PARN: variants seen among roughly 807,000 people sequenced by gnomAD.
PARN encodes poly(A)-specific ribonuclease PARN.
In PARN, 71 loss-of-function variants were observed where a neutral mutation model predicts 102.8. The ratio of observed to expected loss-of-function variants is 0.69; its 90% CI spans 0.57 to 0.84. The LOEUF (loss-of-function observed/expected upper bound fraction) is 0.84. PARN is among the 40% of genes least tolerant of loss of function. The pLI is 0.00. For synonymous variants in PARN, 261 were observed against 252.9 expected, an observed-to-expected ratio of 1.03 and a Z score of -0.30; for missense variants, 782 against 760.9, an observed-to-expected ratio of 1.03 and a Z score of -0.33.
chr16:14,599,704 A>T (rs1961180520), intron 12 of PARN, among the ~76,000 whole-genome samples, 200 bp downstream of exon 12: 1 of 152,196 alleles, frequency 6.6e-6, no homozygotes. Context: ...GCTCCCTGAA[A>T]ATTGATTTGA....
intron 5 of PARN, among the ~76,000 whole-genome samples, chr16:14,625,879 G>C (rs887080235): frequency 1.3e-5 from 2 of 152,198 alleles, no homozygotes; most frequent in Admixed American, 6.5e-5. Flanking sequence ...GATTTTAAGG[G>C]AGAAAAGATT....
chr16:14,513,677 C>T (rs779394982), intron 21 of PARN, among the ~76,000 whole-genome samples: 1 of 152,164 alleles, frequency 6.6e-6, no homozygotes, highest in Non-Finnish European at 1.5e-5. Flanking sequence ...GGCCCTTCTC[C>T]CTGTTGTGGC....
At chr16:14,505,032 A>T (rs1964815764) in intron 21 of PARN, among the ~76,000 whole-genome samples, 1 of 152,220 alleles carries the variant, frequency 6.6e-6, no homozygotes, top group Non-Finnish European at 1.5e-5. Flanking sequence ...TTTTAAATTA[A>T]GTGGTCAGGG....
At chr16:14,590,790 G>A (rs1970151253) in intron 13 of PARN, among the ~76,000 whole-genome samples, 1 of 152,148 alleles carries the variant, frequency 6.6e-6, no homozygotes, top group African/African-American at 2.4e-5. Flanking sequence ...TACAAGGGGA[G>A]CAACTGACCC....
chr16:14,531,803 A>C (rs1169822304), intron 21 of PARN, among the ~76,000 whole-genome samples: 2 of 152,130 alleles, frequency 1.3e-5, no homozygotes, highest in Non-Finnish European at 2.9e-5. Flanking sequence ...AAATTCTTTC[A>C]AAAGCCCCAG....
chr16:14,490,242 T>C (rs1963988115), intron 21 of PARN, among the ~76,000 whole-genome samples: 3 of 152,228 alleles, frequency 2.0e-5, no homozygotes, highest in Non-Finnish European at 2.9e-5. Flanking sequence ...GAAAATCCTG[T>C]CAGCATTATC....
At chr16:14,464,709 T>C (rs1374608512) in intron 22 of PARN, among the ~76,000 whole-genome samples, 1 of 151,672 alleles carries the variant, frequency 6.6e-6, no homozygotes, top group African/African-American at 2.4e-5. Context: ...TGAGCTGAGG[T>C]TGCGCCACTG....
chr16:14,586,586 T>A, intron 13 of PARN, among the ~76,000 whole-genome samples: 1 of 152,146 alleles, frequency 6.6e-6, no homozygotes, highest in East Asian at 1.9e-4. Flanking sequence ...AACTTCTGCA[T>A]AACCAAAACA....
chr16:14,610,602 T>C (rs1458487179), intron 7 of PARN, 42 bp downstream of exon 7: 7 of 1,274,612 alleles, frequency 5.5e-6, no homozygotes, highest in Non-Finnish European at 8.0e-6. Context: ...ATCCCCAATA[T>C]ATAGCACACA....
intron 18 of PARN, among the ~76,000 whole-genome samples, chr16:14,573,001 G>C (rs1968902106): frequency 2.0e-5 from 3 of 151,260 alleles, no homozygotes. Flanking sequence ...CAATCCTCCT[G>C]CCTCAGCCTC....
intron 18 of PARN, among the ~76,000 whole-genome samples, chr16:14,562,416 G>C (rs1968124249): frequency 1.4e-5 from 2 of 141,488 alleles, no homozygotes; most frequent in Non-Finnish European, 3.0e-5. Context: ...CTGGGGGTCA[G>C]AGCGGGACTC....
intron 21 of PARN, among the ~76,000 whole-genome samples, chr16:14,508,942 GAAT>G (rs2151635049): frequency 6.7e-6 from 1 of 150,236 alleles, no homozygotes; most frequent in East Asian, 1.9e-4. Context: ...GTGGTTCTGA[GAAT>G]AATAAAATTA....
In PARN at chr16:14,627,141, T is replaced by C; in HGVS notation, c.292A>G (p.Asn98Asp). ...FNFYVFPKPF[N>D]RSSPDVKFVC... ...AATTTGACATCTGGTGAGGATCTATTGAAGGGTTTCGGGAAAACATAGAAG... is the reference window on the plus strand; with the variant it reads ...AATTTGACATCTGGTGAGGATCTATCGAAGGGTTTCGGGAAAACATAGAAG... Residue 98 changes from asparagine to aspartate, a missense_variant, in exon 5 of 24, where the codon AAT becomes GAT. Transcript: ENST00000437198. 6.2e-7 allele frequency: 1 copy of C among 1,606,688 alleles called. No homozygotes were observed. The highest frequency in any genetic ancestry group is 8.5e-7 in the Non-Finnish European group (1 of 1,174,312).
chr16:14,506,980 G>C (rs1449718941), intron 21 of PARN, among the ~76,000 whole-genome samples: 1 of 152,202 alleles, frequency 6.6e-6, no homozygotes, highest in Non-Finnish European at 1.5e-5. Context: ...AAGACTTAAT[G>C]TTGGAGAAGC....
intron 22 of PARN, among the ~76,000 whole-genome samples, chr16:14,461,312 T>C (rs1008318221): frequency 6.6e-6 from 1 of 152,236 alleles, no homozygotes; most frequent in African/African-American, 2.4e-5. Flanking sequence ...CGAGGAAATG[T>C]GAATAAAGTA....
intron 13 of PARN, among the ~76,000 whole-genome samples, chr16:14,590,624 G>C (rs1471364451): frequency 2.5e-5 from 3 of 122,308 alleles, no homozygotes; most frequent in Non-Finnish European, 4.9e-5. Context: ...CACAGAACAA[G>C]ATTCAGTCTC....
intron 5 of PARN, among the ~76,000 whole-genome samples, chr16:14,625,081 C>T (rs1479040641): frequency 6.6e-6 from 1 of 152,056 alleles, no homozygotes; most frequent in East Asian, 1.9e-4. Flanking sequence ...GTTTGATTAA[C>T]CCCTGGCCAA....
intron 21 of PARN, among the ~76,000 whole-genome samples, chr16:14,540,712 G>A (rs1966806753): frequency 6.6e-6 from 1 of 152,210 alleles, no homozygotes; most frequent in Admixed American, 6.5e-5. Flanking sequence ...CAGATTGCTG[G>A]AGGCTGAGGC....
At chr16:14,464,809 A>G (rs1413899086) in intron 22 of PARN, among the ~76,000 whole-genome samples, 1 of 152,100 alleles carries the variant, frequency 6.6e-6, no homozygotes, top group Admixed American at 6.6e-5. Context: ...TATACATACA[A>G]AAGAACTTGG....
Sources: gnomAD v4.1 joint callset for allele counts (sites outside exome capture counted in the v4.1 genomes callset) on GRCh38, gnomAD v4.1.1 for gene constraint, MANE v1.5 for transcripts, NCBI Gene and HGNC (gene_info 2026-07-23, HGNC 2026-07-21) for gene names.